Variants in SLC1A1 observed in about 807,000 individuals in gnomAD.
SLC1A1 encodes the protein solute carrier family 1 member 1.
SLC1A1 carries 43 observed loss-of-function variants against 53.3 expected under a neutral mutation model. The observed-to-expected ratio is 0.81, with a 90% CI of 0.63 to 1.04. The LOEUF (loss-of-function observed/expected upper bound fraction) is 1.04. Ranked by LOEUF, SLC1A1 falls within the 50% of genes least tolerant of loss-of-function variation. The pLI is 0.00. For synonymous variants in SLC1A1, 307 were observed against 243.2 expected (o/e 1.26, Z -2.44); for missense variants, 748 against 664.9 (o/e 1.12, Z -1.37).
chr9:4,571,898 C>T (rs954829682), intron 6 of SLC1A1, among the ~76,000 whole-genome samples: 6 of 151,810 alleles, frequency 4.0e-5, no homozygotes, highest in Non-Finnish European at 7.4e-5. Flanking sequence ...CTGAAAAGTG[C>T]CTTCAATCTA....
At chr9:4,558,006 G>A (rs940013061) in intron 2 of SLC1A1, among the ~76,000 whole-genome samples, 1 of 152,082 alleles carries the variant, frequency 6.6e-6, no homozygotes, top group Admixed American at 6.5e-5. Flanking sequence ...AATTAAAGAT[G>A]ATGCATTAAC....
chr9:4,550,421 C>A (rs1293456701), intron 2 of SLC1A1, among the ~76,000 whole-genome samples: 3 of 152,142 alleles, frequency 2.0e-5, no homozygotes, highest in East Asian at 3.9e-4. Flanking sequence ...GACAGGGTCT[C>A]ATTCTATGGC....
chr9:4,503,728 C>T (rs1254668189), intron 1 of SLC1A1, among the ~76,000 whole-genome samples: 1 of 151,880 alleles, frequency 6.6e-6, no homozygotes, highest in African/African-American at 2.4e-5. Flanking sequence ...TTTTTCTTAC[C>T]TGTTTCCTAA....
intron 4 of SLC1A1, 75 bp downstream of exon 4, chr9:4,564,533 C>A: frequency 1.2e-6 from 1 of 842,686 alleles, no homozygotes; most frequent in Non-Finnish European, 2.0e-6. Flanking sequence ...GTTTAATATT[C>A]TGCTGTTACT....
intron 1 of SLC1A1, among the ~76,000 whole-genome samples, chr9:4,517,172 C>A (rs1007714633): frequency 1.3e-5 from 2 of 152,188 alleles, no homozygotes; most frequent in African/African-American, 4.8e-5. Flanking sequence ...GCCCCTCTGT[C>A]TTTAGGTGTT....
rs112522442 is a variant in SLC1A1, at chr9:4,503,253, G to A, written c.91+12483G>A. Among the ~76,000 whole-genome samples, 1,275 of 151,846 alleles carry A rather than the reference G, an allele frequency of 8.4e-3. 69 individuals carry two copies. The highest frequency in any genetic ancestry group is 0.029 in the African/African-American group (1,204 of 41,144). Reference sequence around the variant, plus strand: ...CAGAATCCTCGAAACTTTGCTCCAGGCAACCACTGTTAATCAAACAGAATT... The same window carrying A: ...CAGAATCCTCGAAACTTTGCTCCAGACAACCACTGTTAATCAAACAGAATT... On this transcript the variant is annotated intron_variant, in intron 1 of 11. Transcript: ENST00000262352.
chr9:4,548,658 A>C (rs1817680208), intron 2 of SLC1A1, among the ~76,000 whole-genome samples: 1 of 152,252 alleles, frequency 6.6e-6, no homozygotes, highest in African/African-American at 2.4e-5. Context: ...ACTGGCTGTT[A>C]GATGGTATCA....
At chr9:4,509,874 C>T (rs1162929305) in intron 1 of SLC1A1, among the ~76,000 whole-genome samples, 1 of 152,146 alleles carries the variant, frequency 6.6e-6, no homozygotes, top group African/African-American at 2.4e-5. Flanking sequence ...TGCTCTGTCC[C>T]CCAGGCTGGA....
chr9:4,504,925 G>C (rs574999722), intron 1 of SLC1A1, among the ~76,000 whole-genome samples: 1 of 152,116 alleles, frequency 6.6e-6, no homozygotes, highest in South Asian at 2.1e-4. Context: ...AAAACAAGTG[G>C]TAAATAAGTC....
At chr9:4,497,613 C>T (rs1441871076) in intron 1 of SLC1A1, among the ~76,000 whole-genome samples, 1 of 152,184 alleles carries the variant, frequency 6.6e-6, no homozygotes, top group Non-Finnish European at 1.5e-5. Context: ...TTCTCCTCTG[C>T]CTGTTTCAGC....
chr9:4,579,251 T>C (rs1233114698), intron 10 of SLC1A1, among the ~76,000 whole-genome samples: 1 of 152,222 alleles, frequency 6.6e-6, no homozygotes, highest in East Asian at 1.9e-4. Context: ...ATTGAAACCT[T>C]GAATCATGCC....
At chr9:4,555,057 A>G (rs1253096771) in intron 2 of SLC1A1, among the ~76,000 whole-genome samples, 1 of 152,244 alleles carries the variant, frequency 6.6e-6, no homozygotes, top group Non-Finnish European at 1.5e-5. Context: ...TAAAGGCGAT[A>G]GAGGCATTTC....
chr9:4,520,411 T>C (rs939953628), intron 1 of SLC1A1, among the ~76,000 whole-genome samples: 7 of 152,188 alleles, frequency 4.6e-5, no homozygotes, highest in African/African-American at 1.7e-4. Flanking sequence ...TATTATCTAT[T>C]TTTCTTTTTT....
At chr9:4,550,720 G>A (rs1244162053) in intron 2 of SLC1A1, among the ~76,000 whole-genome samples, 1 of 152,106 alleles carries the variant, frequency 6.6e-6, no homozygotes, top group African/African-American at 2.4e-5. Flanking sequence ...AAAGTTTAAA[G>A]CCTTATAAAA....
chr9:4,574,645 G>A (rs1481795694), intron 8 of SLC1A1, among the ~76,000 whole-genome samples: 1 of 152,096 alleles, frequency 6.6e-6, no homozygotes, highest in African/African-American at 2.4e-5. Context: ...CTGTTTCCTT[G>A]AGAAAAGATG....
intron 1 of SLC1A1, among the ~76,000 whole-genome samples, chr9:4,512,237 G>C (rs1172296986): frequency 6.6e-6 from 1 of 152,198 alleles, no homozygotes. Flanking sequence ...TGGAGGCAGG[G>C]TGCGGTGGCT....
intron 1 of SLC1A1, among the ~76,000 whole-genome samples, chr9:4,537,277 C>CTACAACAT (rs1586725300): frequency 0.014 from 1,673 of 119,554 alleles, 234 homozygotes; most frequent in Admixed American, 0.016. Flanking sequence ...AAATCACATG[C>CTACAACAT]GGCCGGGCGC....
At chr9:4,516,873 C>A (rs1821178188) in intron 1 of SLC1A1, among the ~76,000 whole-genome samples, 1 of 152,024 alleles carries the variant, frequency 6.6e-6, no homozygotes, top group Non-Finnish European at 1.5e-5. Context: ...CATGGTGTGC[C>A]CCAAGTGATT....
intron 2 of SLC1A1, among the ~76,000 whole-genome samples, chr9:4,546,884 T>C (rs1038162494): frequency 1.2e-4 from 19 of 152,344 alleles, no homozygotes; most frequent in Admixed American, 8.5e-4. Context: ...CAATTGTACA[T>C]ATATACTATA....
Sources: allele counts gnomAD v4.1 joint callset (sites outside exome capture counted in the v4.1 genomes callset), GRCh38; gene constraint gnomAD v4.1.1; transcripts MANE v1.5; gene names NCBI Gene and HGNC (gene_info 2026-07-23, HGNC 2026-07-21).